The following SLC35F1 variants were observed in gnomAD, a reference collection of about 807,000 sequenced individuals.
SLC35F1 encodes solute carrier family 35 member F1, also known as chromosome 6 open reading frame 169.
A neutral mutation model predicts 48.7 loss-of-function variants in SLC35F1; 14 were observed. That is an observed-to-expected ratio of 0.29 (90% CI 0.19 to 0.45). The LOEUF (loss-of-function observed/expected upper bound fraction) is 0.45, where lower values mean the gene tolerates loss of function less well. Among genes scored for constraint, SLC35F1 ranks in the 20% least tolerant of loss-of-function variants. The pLI is 1.00. For synonymous variants in SLC35F1, 190 were observed against 202.2 expected (o/e 0.94, Z 0.51); for missense variants, 404 against 500.0 (o/e 0.81, Z 1.83).
chr6:118,268,697 C>A (rs1254346634), intron 4 of SLC35F1, among the ~76,000 whole-genome samples: 1 of 149,300 alleles, frequency 6.7e-6, no homozygotes, highest in Non-Finnish European at 1.5e-5. Context: ...GCAACCTCCA[C>A]CTCCCGGGTT....
chr6:118,210,656 CT>C (rs1562326396), intron 2 of SLC35F1, among the ~76,000 whole-genome samples: 1 of 152,138 alleles, frequency 6.6e-6, no homozygotes, highest in Non-Finnish European at 1.5e-5. Flanking sequence ...CAGCTCTAGC[CT>C]TTGAACTTCT....
chr6:118,214,434 A>G (rs945980044), intron 2 of SLC35F1, among the ~76,000 whole-genome samples: 2 of 152,182 alleles, frequency 1.3e-5, no homozygotes, highest in African/African-American at 2.4e-5. Context: ...AAAGAGAATT[A>G]TTCCCTTCTC....
At chr6:117,928,819 C>T (rs1776062405) in intron 1 of SLC35F1, among the ~76,000 whole-genome samples, 3 of 152,080 alleles carry the variant, frequency 2.0e-5, no homozygotes, top group African/African-American at 7.2e-5. Context: ...CATGTCTCAC[C>T]AGTACTACAA....
Position 117,949,546 on chromosome 6 carries a change from G to A in SLC35F1, c.173+41647G>A, listed in dbSNP as rs886595641. On this transcript the variant is annotated intron_variant, in intron 1 of 7. Transcript: ENST00000360388. ...TGCCAAGGTGTGATTTATGTGAGAC[G>A]CCCTTGTGACCCTTTCCAGCAGTCC... Among the ~76,000 whole-genome samples, 3 of 151,974 alleles carry A rather than the reference G, an allele frequency of 2.0e-5. 1 individual carries two copies. The highest frequency in any genetic ancestry group is 4.4e-5 in the Non-Finnish European group (3 of 68,010).
intron 1 of SLC35F1, among the ~76,000 whole-genome samples, chr6:118,096,347 C>T (rs1352444025): frequency 6.6e-6 from 1 of 152,106 alleles, no homozygotes; most frequent in Non-Finnish European, 1.5e-5. Flanking sequence ...ATAGCAGAAT[C>T]CAGTGAATGT....
At chr6:118,240,737 A>G (rs1775427939) in intron 3 of SLC35F1, among the ~76,000 whole-genome samples, 1 of 152,202 alleles carries the variant, frequency 6.6e-6, no homozygotes, top group African/African-American at 2.4e-5. Flanking sequence ...GGAACTGAGT[A>G]GATTAGTTGG....
chr6:117,931,413 A>G (rs1270377726), intron 1 of SLC35F1, among the ~76,000 whole-genome samples: 2 of 152,154 alleles, frequency 1.3e-5, no homozygotes, highest in African/African-American at 2.4e-5. Flanking sequence ...GATAATCCCC[A>G]AAGACATTTT....
At chr6:117,922,273 G>A (rs1775909507) in intron 1 of SLC35F1, among the ~76,000 whole-genome samples, 1 of 152,170 alleles carries the variant, frequency 6.6e-6, no homozygotes, top group Non-Finnish European at 1.5e-5. Context: ...TAAGCATGGG[G>A]AAGGGAGAAC....
chr6:118,087,741 GTT>G (rs1237761664), intron 1 of SLC35F1, among the ~76,000 whole-genome samples: 1 of 152,074 alleles, frequency 6.6e-6, no homozygotes, highest in Non-Finnish European at 1.5e-5. Flanking sequence ...ACCACCTACT[GTT>G]TTCCTGGTCT....
chr6:118,160,159 A>G (rs1412169306), intron 2 of SLC35F1, among the ~76,000 whole-genome samples: 2 of 152,232 alleles, frequency 1.3e-5, no homozygotes, highest in Non-Finnish European at 2.9e-5. Context: ...GACTAGAATC[A>G]TAAGTGTCTG....
chr6:118,218,190 G>A (rs982063767), intron 2 of SLC35F1, among the ~76,000 whole-genome samples: 3 of 152,146 alleles, frequency 2.0e-5, no homozygotes, highest in African/African-American at 7.2e-5. Context: ...TGGTGTCTAG[G>A]TATGGTGTGC....
intron 1 of SLC35F1, among the ~76,000 whole-genome samples, chr6:118,093,693 G>T (rs1166878344): frequency 1.3e-5 from 2 of 152,142 alleles, no homozygotes; most frequent in Admixed American, 6.5e-5. Flanking sequence ...CCAGTCTCAG[G>T]TATGTCTTTA....
chr6:118,119,368 C>A (rs770183863), intron 1 of SLC35F1, among the ~76,000 whole-genome samples: 1 of 152,086 alleles, frequency 6.6e-6, no homozygotes, highest in Non-Finnish European at 1.5e-5. Context: ...TTATTCAGCA[C>A]CATTGTGTAC....
intron 1 of SLC35F1, chr6:117,999,176 C>T (rs923998675): frequency 4.8e-5 from 76 of 1,594,314 alleles, no homozygotes; most frequent in Admixed American, 8.3e-5. Context: ...CATGAGTGCA[C>T]GTGCCGAGGC....
At chr6:118,082,749 A>C (rs1312474399) in intron 1 of SLC35F1, among the ~76,000 whole-genome samples, 1 of 152,218 alleles carries the variant, frequency 6.6e-6, no homozygotes, top group Non-Finnish European at 1.5e-5. Flanking sequence ...ATGGCAAGAA[A>C]AAAAGATGGC....
intron 1 of SLC35F1, among the ~76,000 whole-genome samples, chr6:117,941,277 T>G (rs1043900043): frequency 1.3e-5 from 2 of 152,208 alleles, no homozygotes; most frequent in Admixed American, 1.3e-4. Flanking sequence ...TATTTTTAGT[T>G]TTTTTGGGTT....
At chr6:118,042,272 TGAA>T (rs578012503) in intron 1 of SLC35F1, among the ~76,000 whole-genome samples, 48 of 152,256 alleles carry the variant, frequency 3.2e-4, no homozygotes, top group Admixed American at 2.6e-3. Context: ...CATTATTTGG[TGAA>T]GAAGATAGCC....
chr6:118,095,460 C>T (rs572364073), intron 1 of SLC35F1, among the ~76,000 whole-genome samples: 3 of 152,276 alleles, frequency 2.0e-5, no homozygotes, highest in African/African-American at 7.2e-5. Flanking sequence ...AATTAGACAA[C>T]ATGCTTGACA....
chr6:117,923,694 C>CATATATGTAT (rs1562238804), intron 1 of SLC35F1, among the ~76,000 whole-genome samples: 4 of 13,506 alleles, frequency 3.0e-4, no homozygotes, highest in South Asian at 5.0e-3. Flanking sequence ...TACATATGTA[C>CATATATGTAT]ATATACATAT....
Sources: allele counts gnomAD v4.1 joint callset (sites outside exome capture counted in the v4.1 genomes callset), GRCh38; gene constraint gnomAD v4.1.1; transcripts MANE v1.5; gene names NCBI Gene and HGNC (gene_info 2026-07-23, HGNC 2026-07-21).